Variants in MYH11 observed in about 807,000 individuals in gnomAD.
The protein encoded by MYH11 is myosin heavy chain 11, also known as myosin-11.
MYH11 carries 80 observed loss-of-function variants against 246.6 expected under a neutral mutation model. That is an observed-to-expected ratio of 0.32 (90% CI 0.27 to 0.39). MYH11 has a LOEUF of 0.39. Among genes scored for constraint, MYH11 ranks in the 10% least tolerant of loss-of-function variants. The probability of loss-of-function intolerance (pLI) is 1.00; values close to 1 mark genes in which losing one functional copy is unlikely to be tolerated. For synonymous variants in MYH11, 1,071 were observed against 1,015.5 expected (o/e 1.05, Z -1.04); for missense variants, 2,158 against 2,546.8 (o/e 0.85, Z 3.29).
intron 4 of MYH11, among the ~76,000 whole-genome samples, chr16:15,794,067 C>T (rs1215206438): frequency 1.3e-5 from 2 of 149,676 alleles, no homozygotes; most frequent in African/African-American, 4.9e-5. Context: ...CCTCAGCCTC[C>T]TGAATAGCTG....
chr16:15,795,102 G>A (rs867807406), intron 4 of MYH11, among the ~76,000 whole-genome samples: 17 of 152,036 alleles, frequency 1.1e-4, no homozygotes, highest in African/African-American at 3.6e-4. Flanking sequence ...GAGATCAGGA[G>A]TTTGAGACCA....
chr16:15,717,043 C>T, intron 38 of MYH11, 97 bp downstream of exon 38: 1 of 1,331,654 alleles, frequency 7.5e-7, no homozygotes, highest in South Asian at 1.2e-5. Context: ...TTCTTACAAG[C>T]CAGAACTGAT....
At chr16:15,846,407 A>G (rs1261704098) in intron 1 of MYH11, among the ~76,000 whole-genome samples, 1 of 152,222 alleles carries the variant, frequency 6.6e-6, no homozygotes, top group African/African-American at 2.4e-5. Context: ...GGCAGAATTA[A>G]TCTACGGTGA....
chr16:15,835,705 T>C (rs928319653), intron 2 of MYH11, among the ~76,000 whole-genome samples: 6 of 151,978 alleles, frequency 3.9e-5, no homozygotes, highest in Non-Finnish European at 8.8e-5. Context: ...GTGTATTAAG[T>C]GCTTTCTATT....
At chr16:15,785,008 A>ATTT (rs398028825) in intron 5 of MYH11, 113 of 97,892 alleles carry the variant, frequency 1.2e-3, no homozygotes, top group Middle Eastern at 6.8e-3. Flanking sequence ...AATTCTCTTG[A>ATTT]TTTTTTTTTT....
At chr16:15,762,401 C>T (rs1226644100) in intron 10 of MYH11, among the ~76,000 whole-genome samples, 1 of 152,196 alleles carries the variant, frequency 6.6e-6, no homozygotes, top group Non-Finnish European at 1.5e-5. Context: ...TTTAGGAGTC[C>T]TGTAACTGGA....
At position 15,732,640 on chromosome 16, in the gene MYH11, G is replaced by A. The variant is rs1304972708; in HGVS notation, c.3575C>T (p.Ala1192Val). The change falls in exon 27 of 41, where the codon GCT (alanine) becomes GTT (valine). Residue 1192 changes from alanine (A) to valine (V), a missense_variant. By Grantham distance (64) the Ala-to-Val change is moderately conservative (BLOSUM62 0). This residue lies in a region of MYH11 where 34 missense variants were observed against 70.4 expected (regional missense o/e 0.48). Transcript: ENST00000300036. ...TTTCTGCCTCATCTCCTGGACCTGAGCCTCATGGGACCGCGTCTCTTCATC... is the reference window on the plus strand; with the variant it reads ...TTTCTGCCTCATCTCCTGGACCTGAACCTCATGGGACCGCGTCTCTTCATC... ...ALDEETRSHE[A>V]QVQEMRQKHA... The A allele has an allele frequency of 6.2e-7, 1 of 1,614,242 alleles. No individual in the cohort carries two copies. Among genetic ancestry groups the A allele is most frequent in the Non-Finnish European group, 8.5e-7 (1 of 1,180,050 alleles).
intron 9 of MYH11, 101 bp from the exon 10 acceptor site, chr16:15,763,992 A>C: frequency 1.1e-6 from 1 of 877,150 alleles, no homozygotes; most frequent in Non-Finnish European, 1.9e-6. Flanking sequence ...GCCAGCTTAC[A>C]TCTTTCCTCT....
intron 28 of MYH11, chr16:15,726,038 G>A (rs1248872211): frequency 1.3e-5 from 3 of 229,036 alleles, no homozygotes; most frequent in African/African-American, 6.8e-5. Flanking sequence ...TTACCACAGG[G>A]CCTTTGCACA....
rs1454324082 is a variant in MYH11 at position 15,721,055 on chromosome 16, C to T, written c.4579-4G>A. The T allele has an allele frequency of 6.2e-7, 1 of 1,613,766 alleles. No individual in the cohort carries two copies. Among genetic ancestry groups the T allele is most frequent in the African/African-American group, 1.3e-5 (1 of 75,022 alleles). ...TGGACTTCTCCAGCTCATGGACCTGCCGGCAGAGCGGGCAGCCCCATTCTA... is the reference window on the plus strand; with the variant it reads ...TGGACTTCTCCAGCTCATGGACCTGTCGGCAGAGCGGGCAGCCCCATTCTA... On this transcript the variant is annotated splice_region_variant and splice_polypyrimidine_tract_variant and intron_variant, in intron 32 of 40. Transcript: ENST00000300036.
Position 15,732,647 on chromosome 16 carries a change from G to A in MYH11, c.3568C>T (p.His1190Tyr), listed in dbSNP as rs371629304. ...CTCATCTCCTGGACCTGAGCCTCAT[G>A]GGACCGCGTCTCTTCATCCAGGGCC... is the stretch of plus-strand genomic sequence containing the variant. The part of the protein sequence containing the change: ...KKALDEETRS[H>Y]EAQVQEMRQK... The change falls in exon 27 of 41, where the codon CAT becomes TAT. Residue 1190 changes from histidine to tyrosine, a missense_variant. By Grantham distance (83) the His-to-Tyr change is moderately conservative. This residue lies in a region of MYH11 where 34 missense variants were observed against 70.4 expected (regional missense o/e 0.48). Transcript: ENST00000300036. 1 of 1,614,220 alleles carries A rather than the reference G, an allele frequency of 6.2e-7. No homozygotes were observed. The highest frequency in any genetic ancestry group is 8.5e-7 in the Non-Finnish European group (1 of 1,180,028).
chr16:15,750,171 G>A lies in MYH11; in HGVS notation c.2025C>T (p.Phe675=), dbSNP rs140684159. ...CGTGGTTGGGGATGATGCAGCGCAC[G>A]AAGTTGGGCGTGGTGTTGCGTAGCG... is the stretch of plus-strand genomic sequence containing the variant. ...MTTLRNTTPN[F]VRCIIPNHEK... The change falls in exon 16 of 41, where the codon TTC becomes TTT. Residue 675 remains phenylalanine (F), a synonymous_variant. Coordinates refer to ENST00000300036, the MANE Select transcript of MYH11 (RefSeq NM_002474.3). The surrounding 1 kb of genome is among the most constrained non-coding windows in gnomAD (Gnocchi z 4.3). 9.9e-6 allele frequency: 16 copies of A among 1,614,132 alleles called. No homozygotes were observed. Among genetic ancestry groups the A allele is most frequent in the Middle Eastern group, 1.6e-4 (1 of 6,084 alleles).
chr16:15,824,482 T>C (rs970998647), intron 2 of MYH11, among the ~76,000 whole-genome samples: 1 of 152,086 alleles, frequency 6.6e-6, no homozygotes, highest in African/African-American at 2.4e-5. Context: ...GGTTTCACCA[T>C]ATTGCCCAGG....
intron 8 of MYH11, among the ~76,000 whole-genome samples, chr16:15,773,455 G>A (rs1472643581): frequency 6.6e-6 from 1 of 151,628 alleles, no homozygotes; most frequent in African/African-American, 2.4e-5. Flanking sequence ...CAGGTAATTT[G>A]TTGTATTTTT....
intron 9 of MYH11, among the ~76,000 whole-genome samples, chr16:15,769,372 T>A (rs2042049408): frequency 6.6e-6 from 1 of 152,208 alleles, no homozygotes; most frequent in African/African-American, 2.4e-5. Context: ...TGGTAGCACA[T>A]GTCTGTAGTC....
chr16:15,719,605 C>G lies in MYH11; in HGVS notation c.5062G>C (p.Asp1688His), dbSNP rs1239423939. ...NEKKAKSLEA[D>H]LMQLQEDLAA... ...TTTACCTCTTGTAGCTGCATGAGGT[C>G]TGCTTCCAAGCTCTTGGCTTTCTTC... Residue 1688 changes from aspartate to histidine, a missense_variant, in exon 35 of 41, where the codon GAC (aspartate) becomes CAC (histidine). Transcript: ENST00000300036. 6.2e-7 allele frequency: 1 copy of G among 1,614,212 alleles called. No individual in the cohort carries two copies. The highest frequency in any genetic ancestry group is 8.5e-7 in the Non-Finnish European group (1 of 1,180,042).
Position 15,745,156 on chromosome 16 carries a change from G to C in MYH11, c.2493C>G (p.Asn831Lys). Residue 831 changes from asparagine to lysine, a missense_variant, in exon 20 of 41, where the codon AAC becomes AAG. Physicochemically the swap from Asn to Lys is moderately conservative, Grantham distance 94. Transcript: ENST00000300036. ...TGGTGAAAAGCCTCCACCACTGCCAGTTCCGCAGCTTGAGGTAGGCGGCGC... is the reference window on the plus strand; with the variant it reads ...TGGTGAAAAGCCTCCACCACTGCCACTTCCGCAGCTTGAGGTAGGCGGCGC... ...RNCAAYLKLR[N>K]WQWWRLFTKV... 2 of 1,614,188 alleles carry C rather than the reference G, an allele frequency of 1.2e-6. No homozygotes were observed. Among genetic ancestry groups the C allele is most frequent in the Non-Finnish European group, 1.7e-6 (2 of 1,180,034 alleles).
intron 2 of MYH11, among the ~76,000 whole-genome samples, chr16:15,828,799 A>T (rs1322260121): frequency 7.1e-6 from 1 of 140,634 alleles, no homozygotes; most frequent in Non-Finnish European, 1.5e-5. Flanking sequence ...AAAAAAAAAA[A>T]AAAAGAAGGA....
chr16:15,723,338 G>T (rs8047068), intron 31 of MYH11, among the ~76,000 whole-genome samples: 6 of 152,082 alleles, frequency 3.9e-5, no homozygotes, highest in Non-Finnish European at 7.4e-5. Context: ...ATGATAGATA[G>T]AATTAGTCTT....
Sources: gnomAD v4.1 joint callset for allele counts (sites outside exome capture counted in the v4.1 genomes callset) on GRCh38, gnomAD v4.1.1 for gene constraint, gnomAD v4.1.1 regional missense constraint, Gnocchi (gnomAD v3.1) non-coding constraint, MANE v1.5 for transcripts, NCBI Gene and HGNC (gene_info 2026-07-23, HGNC 2026-07-21) for gene names.